The following RFTN2 variants were observed in gnomAD, a reference collection of about 807,000 sequenced individuals.
RFTN2 encodes the protein raftlin-2.
A neutral mutation model predicts 52.7 loss-of-function variants in RFTN2; 34 were observed. That is an observed-to-expected ratio of 0.64 (90% CI 0.49 to 0.86). The LOEUF is 0.86. Among genes scored for constraint, RFTN2 ranks in the 40% least tolerant of loss-of-function variants. The pLI, the probability that RFTN2 is intolerant of heterozygous loss-of-function variation, is 0.00. For missense variants in RFTN2, 536 were observed against 600.1 expected (o/e 0.89, Z 1.12); for synonymous variants, 203 against 217.7 (o/e 0.93, Z 0.59).
chr2:197,629,283 A>C (rs1398625197), intron 5 of RFTN2, among the ~76,000 whole-genome samples: 5 of 152,186 alleles, frequency 3.3e-5, no homozygotes, highest in Non-Finnish European at 7.3e-5. Flanking sequence ...GGATGATTTC[A>C]TGTCCTTTGT....
At chr2:197,630,912 T>C in intron 5 of RFTN2, 99 bp downstream of exon 5, 1 of 780,282 alleles carries the variant, frequency 1.3e-6, no homozygotes, top group Admixed American at 2.4e-5. Flanking sequence ...ATGGTATCTG[T>C]CCTTTCAGCC....
chr2:197,670,333 A>G (rs1306122996), intron 1 of RFTN2, among the ~76,000 whole-genome samples: 1 of 152,178 alleles, frequency 6.6e-6, no homozygotes, highest in African/African-American at 2.4e-5. Flanking sequence ...GCTATTACAA[A>G]CAACACTTCT....
intron 5 of RFTN2, among the ~76,000 whole-genome samples, chr2:197,627,340 G>C (rs888292345): frequency 6.6e-6 from 1 of 152,078 alleles, no homozygotes; most frequent in Non-Finnish European, 1.5e-5. Flanking sequence ...TATCCTCTAT[G>C]GTCATGTTAC....
chr2:197,628,342 C>T (rs913786009), intron 5 of RFTN2, among the ~76,000 whole-genome samples: 1 of 152,088 alleles, frequency 6.6e-6, no homozygotes, highest in African/African-American at 2.4e-5. Flanking sequence ...TCTGCACCCC[C>T]GTCTCCGTGA....
intron 2 of RFTN2, 54 bp from the exon 3 acceptor site, chr2:197,644,326 A>C (rs1409714573): frequency 2.1e-5 from 20 of 960,652 alleles, no homozygotes; most frequent in Non-Finnish European, 3.1e-5. Context: ...CTTTTCAGCT[A>C]ATATGCTCAT....
At chr2:197,592,889 A>T (rs879387271) in intron 8 of RFTN2, among the ~76,000 whole-genome samples, 2 of 152,238 alleles carry the variant, frequency 1.3e-5, no homozygotes, top group African/African-American at 4.8e-5. Context: ...TATTACTACC[A>T]TTCTGAGATA....
chr2:197,673,175 C>T (rs1367526893), intron 1 of RFTN2, among the ~76,000 whole-genome samples: 2 of 152,186 alleles, frequency 1.3e-5, no homozygotes, highest in African/African-American at 4.8e-5. Context: ...AAAGGTTGCT[C>T]ATTCCATGGT....
In RFTN2 at chr2:197,601,953, C is replaced by A. The variant is rs1207650214; in HGVS notation, c.1155-5884G>T. Among the ~76,000 whole-genome samples the A allele has an allele frequency of 3.3e-5, 5 of 152,186 alleles. No homozygotes were observed. In the East Asian group the frequency reaches 7.7e-4, roughly 24 times the overall value. ...TTGAAAGCTTTGCCTTAAAATTCCC[C>A]CAAATGAATTCAGTTTTGTTCAACA... On this transcript the variant is annotated intron_variant, in intron 7 of 8. Transcript: ENST00000295049.
At chr2:197,644,336 T>C (rs924706682) in intron 2 of RFTN2, 64 bp from the exon 3 acceptor site, 8 of 870,010 alleles carry the variant, frequency 9.2e-6, no homozygotes, top group Non-Finnish European at 1.6e-5. Context: ...AATATGCTCA[T>C]GTGAAAATGA....
intron 1 of RFTN2, among the ~76,000 whole-genome samples, chr2:197,668,302 C>G (rs563244706): frequency 6.6e-6 from 1 of 152,114 alleles, no homozygotes; most frequent in Non-Finnish European, 1.5e-5. Context: ...ATAGCATGAG[C>G]AGGCACCAGT....
rs1421564407 is a variant in RFTN2 at position 197,634,568 on chromosome 2, G to C, written c.439-571C>G. Among the ~76,000 whole-genome samples, 3 of 151,988 alleles carry C rather than the reference G, an allele frequency of 2.0e-5. No homozygotes were observed. The East Asian group carries it at 5.8e-4, about 29-fold the overall frequency. On this transcript the variant is annotated intron_variant, in intron 3 of 8. Transcript: ENST00000295049. ...GATCGGCTTATGTCTTTATGGTATT[G>C]TCTCCTATGTGGGCCAAACACATAG...
At chr2:197,621,685 A>G (rs996257830) in intron 5 of RFTN2, among the ~76,000 whole-genome samples, 3 of 152,094 alleles carry the variant, frequency 2.0e-5, no homozygotes, top group Admixed American at 1.3e-4. Flanking sequence ...TGACTGCTCC[A>G]CTGACTGGCC....
At chr2:197,642,009 T>G (rs1218731165) in intron 3 of RFTN2, among the ~76,000 whole-genome samples, 4 of 152,218 alleles carry the variant, frequency 2.6e-5, no homozygotes, top group African/African-American at 9.6e-5. Flanking sequence ...TGTTTTCAAA[T>G]GAAATTTGCT....
chr2:197,633,434 C>G (rs527485028), intron 4 of RFTN2, among the ~76,000 whole-genome samples: 18 of 152,240 alleles, frequency 1.2e-4, no homozygotes, highest in South Asian at 2.1e-4. Flanking sequence ...TGTACAGCCT[C>G]CAATTTATGA....
chr2:197,596,417 G>A (rs2087795252), intron 7 of RFTN2, among the ~76,000 whole-genome samples: 1 of 152,092 alleles, frequency 6.6e-6, no homozygotes, highest in Admixed American at 6.5e-5. Context: ...TTGCATGTCT[G>A]TGATCACTGC....
intron 1 of RFTN2, among the ~76,000 whole-genome samples, chr2:197,650,665 A>T (rs1411756256): frequency 1.3e-5 from 2 of 152,214 alleles, no homozygotes; most frequent in Non-Finnish European, 2.9e-5. Context: ...CATTGAATAT[A>T]TATACCACAT....
At chr2:197,646,218 C>T (rs2088745646) in intron 2 of RFTN2, among the ~76,000 whole-genome samples, 1 of 152,148 alleles carries the variant, frequency 6.6e-6, no homozygotes, top group Non-Finnish European at 1.5e-5. Context: ...CTAGGTGCCT[C>T]TGGAATCTAT....
chr2:197,639,059 ATATTGGC>A (rs2088616192), intron 3 of RFTN2, among the ~76,000 whole-genome samples: 1 of 140,198 alleles, frequency 7.1e-6, no homozygotes, highest in Non-Finnish European at 1.5e-5. Context: ...AGAATGTTGA[ATATTGGC>A]CCCCACTCTC....
intron 3 of RFTN2, among the ~76,000 whole-genome samples, chr2:197,634,716 A>C (rs1016237800): frequency 2.5e-4 from 36 of 145,890 alleles, no homozygotes; most frequent in African/African-American, 8.5e-4. Flanking sequence ...TTTTATTTTT[A>C]AGGATTATTT....
Sources: allele counts gnomAD v4.1 joint callset (sites outside exome capture counted in the v4.1 genomes callset), GRCh38; gene constraint gnomAD v4.1.1; transcripts MANE v1.5; gene names NCBI Gene and HGNC (gene_info 2026-07-23, HGNC 2026-07-21).